The following SETX variants were observed in gnomAD, a reference collection of about 807,000 sequenced individuals.
SETX encodes the protein helicase senataxin.
In SETX, 90 loss-of-function variants were observed where a neutral mutation model predicts 227.2. The observed-to-expected ratio is 0.40, with a 90% CI of 0.33 to 0.47. The LOEUF is 0.47. Among genes scored for constraint, SETX ranks in the 20% least tolerant of loss-of-function variants. SETX has a pLI of 0.91. For missense variants in SETX, 3,052 were observed against 3,181.5 expected (o/e 0.96, Z 0.98); for synonymous variants, 1,210 against 1,113.2 (o/e 1.09, Z -1.73).
chr9:132,349,464 GA>G (rs749870949), intron 2 of SETX, 29 bp from the exon 3 acceptor site: 2 of 1,611,036 alleles, frequency 1.2e-6, no homozygotes, highest in African/African-American at 2.7e-5. Context: ...ACATCAAGAA[GA>G]AAACCAACTT....
In SETX at chr9:132,286,482, C is replaced by T. The variant is rs1416514261; in HGVS notation, c.6337G>A (p.Asp2113Asn). 1 of 1,613,212 alleles carries T rather than the reference C, an allele frequency of 6.2e-7. No homozygotes were observed. Among genetic ancestry groups the T allele is most frequent in the African/African-American group, 1.3e-5 (1 of 74,892 alleles). The change falls in exon 18 of 26, where the codon GAT (aspartate) becomes AAT (asparagine). Residue 2113 changes from aspartate to asparagine, a missense_variant. Asp to Asn is a conservative substitution (Grantham distance 23, BLOSUM62 1). This residue lies in a region of SETX where 412 missense variants were observed against 589.0 expected (regional missense o/e 0.70). Transcript: ENST00000224140. ...TTAGAAACTTTGGAAATGTTTTCAT[C>T]TAATTCTTGCCTCTGGAAAAAAATT... ...GGREIQRQEL[D>N]ENISKVSKER...
In SETX at chr9:132,283,377, T is replaced by C. The variant is rs779992080; in HGVS notation, c.6433A>G (p.Ile2145Val). The C allele has an allele frequency of 6.2e-7, 1 of 1,614,168 alleles. No individual in the cohort carries two copies. Among genetic ancestry groups the C allele is most frequent in the Non-Finnish European group, 8.5e-7 (1 of 1,180,030 alleles). ...GRPQKTQSII[I>V]LESHIICCTL... ...CAGCAGATGATATGGGACTCTAAGA[T>C]GATGATACTCTGTGTTTTCTGTGGG... Residue 2145 changes from isoleucine (I) to valine (V), a missense_variant, in exon 19 of 26, where the codon ATC (isoleucine) becomes GTC (valine). Coordinates refer to ENST00000224140, the MANE Select transcript of SETX (RefSeq NM_015046.7).
chr9:132,267,165 T>C (rs527723016), intron 25 of SETX, among the ~76,000 whole-genome samples: 8 of 152,336 alleles, frequency 5.3e-5, no homozygotes, highest in African/African-American at 1.7e-4. Flanking sequence ...TGATGAACTA[T>C]GGTAATAAGC....
intron 16 of SETX, 54 bp from the exon 17 acceptor site, chr9:132,288,405 A>C (rs1844059236): frequency 2.8e-6 from 4 of 1,448,054 alleles, no homozygotes; most frequent in Admixed American, 3.5e-5. Context: ...TAACAAACTC[A>C]CACACATATA....
At chr9:132,332,199 C>T (rs1847277974) in intron 7 of SETX, among the ~76,000 whole-genome samples, 1 of 151,838 alleles carries the variant, frequency 6.6e-6, no homozygotes, top group Non-Finnish European at 1.5e-5. Flanking sequence ...CTGTTTATTT[C>T]CATTTTTATT....
At chr9:132,353,613 G>A (rs1286628039) in intron 2 of SETX, 36 bp downstream of exon 2, 4 of 136,156 alleles carry the variant, frequency 2.9e-5, no homozygotes, top group African/African-American at 7.7e-5. Flanking sequence ...ACTTACCTTG[G>A]TGCTCTGAAC....
intron 25 of SETX, chr9:132,266,157 A>T (rs1279200383): frequency 1.3e-5 from 2 of 152,294 alleles, no homozygotes; most frequent in African/African-American, 2.4e-5. Context: ...ACTGTTCATA[A>T]AGGTATGTTA....
Position 132,327,342 on chromosome 9 carries a change from G to A in SETX, c.4256C>T (p.Ser1419Phe). The change falls in exon 10 of 26, where the codon TCT becomes TTT. Residue 1419 changes from serine (S) to phenylalanine (F), a missense_variant. This residue lies in a region of SETX where 1,483 missense variants were observed against 1,312.0 expected (regional missense o/e 1.13). Coordinates refer to ENST00000224140, the MANE Select transcript of SETX (RefSeq NM_015046.7). ...TTTTGCTTTTATGGTTTCTGGTTCA[G>A]AAGGCATGCATTTTATTAACTGTTT... ...NRKQLIKCMP[S>F]EPETIKAKHG... 6.2e-7 allele frequency: 1 copy of A among 1,614,222 alleles called. No individual in the cohort carries two copies. The highest frequency in any genetic ancestry group is 8.5e-7 in the Non-Finnish European group (1 of 1,180,028).
Position 132,349,438 on chromosome 9 carries a change from A to T in SETX, c.-7-3T>A, listed in dbSNP as rs753940157. ...AACAACATGTGCTCATTCTGTACCT[A>T]CAGCCAGAAAAGATGACATCAAGAA... is the stretch of plus-strand genomic sequence containing the variant. On this transcript the variant is annotated splice_polypyrimidine_tract_variant and splice_region_variant and intron_variant, in intron 2 of 25. Transcript: ENST00000224140. 1.9e-6 allele frequency: 3 copies of T among 1,614,156 alleles called. No individual in the cohort carries two copies. In the South Asian group the frequency reaches 3.3e-5, roughly 18 times the overall value.
chr9:132,271,925 C>G (rs1842925480), intron 23 of SETX, 117 bp from the exon 24 acceptor site: 9 of 808,358 alleles, frequency 1.1e-5, no homozygotes, highest in Non-Finnish European at 1.8e-5. Context: ...CTCTGTCGCC[C>G]AGGCTGGAGT....
chr9:132,300,452 C>A lies in SETX; in HGVS notation c.5548+178G>T, dbSNP rs189042800. On this transcript the variant is annotated intron_variant, in intron 12 of 25. Transcript: ENST00000224140. ...AACATTACAAAAATAAATACAAGGT[C>A]TTTTCCAGTTAAGTCTAGAAAAACT... is the stretch of plus-strand genomic sequence containing the variant. Among the ~76,000 whole-genome samples the A allele has an allele frequency of 8.5e-5, 13 of 152,274 alleles. No homozygotes were observed. In the East Asian group the frequency reaches 1.9e-3, roughly 23 times the overall value.
Position 132,264,576 on chromosome 9 carries a change from G to A in SETX, c.7697C>T (p.Pro2566Leu). ...WDPQPSSPQH[P>L]GATPPTGEPG... ...CTCGCCCGTAGGAGGTGTTGCTCCA[G>A]GATGCTGGGGGCTCGAGGGTTGTGG... is the stretch of plus-strand genomic sequence containing the variant. The change falls in exon 26 of 26, where the codon CCT becomes CTT. Residue 2566 changes from proline to leucine, a missense_variant. Around this residue, in one of 10 missense-constraint regions of SETX, gnomAD observed 294 missense variants for 278.8 expected, o/e 1.05. Coordinates refer to ENST00000224140, the MANE Select transcript of SETX (RefSeq NM_015046.7). 1 of 1,614,172 alleles carries A rather than the reference G, an allele frequency of 6.2e-7. No homozygotes were observed. Among genetic ancestry groups the A allele is most frequent in the African/African-American group, 1.3e-5 (1 of 75,042 alleles).
rs1469473867 is a variant in SETX, at chr9:132,304,506, CA to C, written c.5375-3704del. On this transcript the variant is annotated intron_variant, in intron 11 of 25. Coordinates refer to ENST00000224140, the MANE Select transcript of SETX (RefSeq NM_015046.7). ...TTAATAAATCCATATGTAAAGATTA[CA>C]AAAAAAAAAAGAAAATGGAGATCCA... Among the ~76,000 whole-genome samples the C allele has an allele frequency of 8.7e-3, 1,110 of 127,274 alleles. 14 individuals carry two copies. Among genetic ancestry groups the C allele is most frequent in the African/African-American group, 0.028 (959 of 34,602 alleles). 83.5% of individuals were successfully genotyped at this position (127,274 alleles called of 152,430 possible).
intron 10 of SETX, among the ~76,000 whole-genome samples, chr9:132,314,896 A>C (rs1447712112): frequency 8.0e-6 from 1 of 124,762 alleles, no homozygotes; most frequent in Non-Finnish European, 1.7e-5. Context: ...TATTATTATT[A>C]TTTTATTGTG....
In SETX at chr9:132,327,484, C is replaced by G. The variant is rs1564539457; in HGVS notation, c.4114G>C (p.Asp1372His). ...GTATGTGACCCTGCTCTTTTAACAT[C>G]TGTACTTTCACAATCAGAAAGTCTT... Reference protein sequence around the residue: ...RRRLSDCESTDVKRAGSHTAQ... With the variant: ...RRRLSDCESTHVKRAGSHTAQ... Residue 1372 changes from aspartate to histidine, a missense_variant, in exon 10 of 26, where the codon GAT becomes CAT. Transcript: ENST00000224140. The G allele has an allele frequency of 8.1e-6, 13 of 1,614,002 alleles. No individual in the cohort carries two copies. The highest frequency in any genetic ancestry group is 1.1e-5 in the Non-Finnish European group (13 of 1,180,038).
chr9:132,327,883 A>G lies in SETX; in HGVS notation c.3715T>C (p.Ser1239Pro). 6.2e-7 allele frequency: 1 copy of G among 1,614,166 alleles called. No homozygotes were observed. The highest frequency in any genetic ancestry group is 8.5e-7 in the Non-Finnish European group (1 of 1,180,026). Residue 1239 changes from serine to proline, a missense_variant, in exon 10 of 26, where the codon TCT (serine) becomes CCT (proline). Transcript: ENST00000224140. ...GAATGAGTTTTCTTAGGGGTCTTAG[A>G]AACTGGAACTTTCCTGATGGGTTCT... Reference protein sequence around the residue: ...CTEPIRKVPVSKTPKKTHSDA... With the variant: ...CTEPIRKVPVPKTPKKTHSDA...
At chr9:132,281,930 G>C (rs1294295553) in intron 19 of SETX, among the ~76,000 whole-genome samples, 1 of 150,620 alleles carries the variant, frequency 6.6e-6, no homozygotes, top group Non-Finnish European at 1.5e-5. Context: ...GCTGAGGCAG[G>C]AGAACTGCTT....
At chr9:132,307,891 C>T (rs1206398359) in intron 11 of SETX, among the ~76,000 whole-genome samples, 1 of 152,138 alleles carries the variant, frequency 6.6e-6, no homozygotes, top group African/African-American at 2.4e-5. Flanking sequence ...GTTGGCCAGG[C>T]TGGTCTCGAA....
chr9:132,331,522 CA>C, intron 7 of SETX, 74 bp from the exon 8 acceptor site: 1 of 1,509,424 alleles, frequency 6.6e-7, no homozygotes, highest in Non-Finnish European at 9.1e-7. Context: ...GAGAATTAAG[CA>C]TATTCTTTAT....
Sources: allele counts gnomAD v4.1 joint callset (sites outside exome capture counted in the v4.1 genomes callset), GRCh38; gene constraint gnomAD v4.1.1; regional missense constraint gnomAD v4.1.1; transcripts MANE v1.5; gene names NCBI Gene and HGNC (gene_info 2026-07-23, HGNC 2026-07-21).